Variants in TRPV1 observed in about 807,000 individuals in gnomAD.
TRPV1 encodes the protein transient receptor potential cation channel subfamily V member 1.
TRPV1 carries 82 observed loss-of-function variants against 82.3 expected under a neutral mutation model. The observed-to-expected ratio is 1.00, with a 90% CI of 0.83 to 1.20. The LOEUF (loss-of-function observed/expected upper bound fraction) is 1.20. TRPV1 is among the 50% of genes most tolerant of loss of function. The pLI is 0.00. For synonymous variants in TRPV1, 515 were observed against 467.7 expected (o/e 1.10, Z -1.30); for missense variants, 1,067 against 1,096.8 (o/e 0.97, Z 0.38).
At chr17:3,607,304 A>C (rs2075302329) in intron 2 of TRPV1, among the ~76,000 whole-genome samples, 1 of 151,590 alleles carries the variant, frequency 6.6e-6, no homozygotes, top group Non-Finnish European at 1.5e-5. Flanking sequence ...AGATCGCACC[A>C]CTGCACTCCA....
At chr17:3,591,660 G>A (rs1361524909) in intron 3 of TRPV1, among the ~76,000 whole-genome samples, 3 of 152,144 alleles carry the variant, frequency 2.0e-5, no homozygotes, top group African/African-American at 4.8e-5. Flanking sequence ...TGGTGGGGAC[G>A]GAGGGAGGTG....
At chr17:3,574,082 C>A (rs1160907497) in intron 13 of TRPV1, 127 bp from the exon 14 acceptor site, 1 of 825,276 alleles carries the variant, frequency 1.2e-6, no homozygotes, top group Admixed American at 3.1e-5. Flanking sequence ...AGCATCCCTT[C>A]TTTAAAACTA....
At chr17:3,582,267 G>A (rs1317041083) in intron 10 of TRPV1, among the ~76,000 whole-genome samples, 2 of 146,780 alleles carry the variant, frequency 1.4e-5, no homozygotes, top group African/African-American at 5.0e-5. Flanking sequence ...AGCTACTCCA[G>A]AGGCTGAGGT....
At chr17:3,600,230 G>A (rs775551869) in intron 2 of TRPV1, among the ~76,000 whole-genome samples, 1 of 152,180 alleles carries the variant, frequency 6.6e-6, no homozygotes, top group Non-Finnish European at 1.5e-5. Flanking sequence ...CTGGGAAAGG[G>A]GATGGTCATG....
chr17:3,590,907 C>A, intron 5 of TRPV1, 57 bp downstream of exon 5: 1 of 1,505,654 alleles, frequency 6.6e-7, no homozygotes, highest in Non-Finnish European at 8.9e-7. Flanking sequence ...ACAACCATGC[C>A]CCCCTGCTTC....
At chr17:3,580,555 C>T (rs200044291) in intron 10 of TRPV1, 28 bp from the exon 11 acceptor site, 4 of 1,612,674 alleles carry the variant, frequency 2.5e-6, no homozygotes, top group Non-Finnish European at 3.4e-6. Context: ...GAGTAAGATC[C>T]CAGGCAATGC....
chr17:3,600,623 C>T (rs1054872483), intron 2 of TRPV1, among the ~76,000 whole-genome samples: 1 of 152,126 alleles, frequency 6.6e-6, no homozygotes, highest in Non-Finnish European at 1.5e-5. Context: ...AAAGACAGCA[C>T]CATTTCCAGT....
At chr17:3,588,698 C>T (rs1597539249) in intron 7 of TRPV1, among the ~76,000 whole-genome samples, 2 of 151,814 alleles carry the variant, frequency 1.3e-5, no homozygotes, top group African/African-American at 4.8e-5. Context: ...CCTGTAATCC[C>T]GGCTACTTGA....
chr17:3,567,829 AT>A (rs1267523172), intron 16 of TRPV1, among the ~76,000 whole-genome samples: 2 of 151,646 alleles, frequency 1.3e-5, no homozygotes, highest in Non-Finnish European at 2.9e-5. Flanking sequence ...ACCTCCAACC[AT>A]CCCCCATCCC....
chr17:3,574,661 T>A (rs1009920303), intron 13 of TRPV1, among the ~76,000 whole-genome samples: 1 of 152,138 alleles, frequency 6.6e-6, no homozygotes, highest in Non-Finnish European at 1.5e-5. Context: ...CAAAAAATGA[T>A]GTGGAGGCCG....
chr17:3,576,248 T>C (rs2074926700), intron 13 of TRPV1, among the ~76,000 whole-genome samples: 1 of 151,476 alleles, frequency 6.6e-6, no homozygotes, highest in African/African-American at 2.4e-5. Flanking sequence ...CCAGGCACTG[T>C]GGCTCATGCC....
At chr17:3,604,426 C>T (rs1597558436) in intron 2 of TRPV1, among the ~76,000 whole-genome samples, 1 of 151,776 alleles carries the variant, frequency 6.6e-6, no homozygotes, top group Non-Finnish European at 1.5e-5. Flanking sequence ...GGTGAAACCC[C>T]GTCTCTATTA....
intron 14 of TRPV1, among the ~76,000 whole-genome samples, chr17:3,572,851 TGG>T (rs2074873117): frequency 6.6e-6 from 1 of 151,918 alleles, no homozygotes; most frequent in East Asian, 1.9e-4. Context: ...GGTGTGGTGG[TGG>T]GTGCCTGCAA....
At chr17:3,577,955 CT>C in intron 11 of TRPV1, 192 bp from the exon 12 acceptor site, 1 of 581,256 alleles carries the variant, frequency 1.7e-6, no homozygotes, top group Non-Finnish European at 3.0e-6. Flanking sequence ...CAGAAATTGG[CT>C]TGGTGAGGAG....
At chr17:3,577,057 G>T in intron 13 of TRPV1, 69 bp downstream of exon 13, 1 of 1,499,868 alleles carries the variant, frequency 6.7e-7, no homozygotes, top group South Asian at 1.2e-5. Context: ...TTCAGCTCCT[G>T]GCAGAGTCTT....
intron 5 of TRPV1, 73 bp downstream of exon 5, chr17:3,590,891 C>T: frequency 3.4e-6 from 5 of 1,474,810 alleles, no homozygotes; most frequent in Non-Finnish European, 4.5e-6. Flanking sequence ...GCAAGGAGGC[C>T]CAGGGACAAC....
chr17:3,577,470 T>C (rs534379633), intron 12 of TRPV1, 128 bp downstream of exon 12: 6 of 1,255,346 alleles, frequency 4.8e-6, no homozygotes, highest in East Asian at 5.1e-5. Flanking sequence ...TCTTGGAAAA[T>C]AGGCTGGGGG....
chr17:3,599,339 T>G (rs1464625228), intron 2 of TRPV1, among the ~76,000 whole-genome samples: 2 of 121,260 alleles, frequency 1.6e-5, no homozygotes, highest in Middle Eastern at 3.4e-3. Flanking sequence ...TGGCACTCAG[T>G]GCATTCACAC....
Position 3,604,723 on chromosome 17 carries a change from G to A in TRPV1, c.-34+3704C>T, listed in dbSNP as rs955002719. 3.3e-5 allele frequency among the ~76,000 whole-genome samples: 5 copies of A among 152,120 alleles called. No homozygotes were observed. In the South Asian group the frequency reaches 1.0e-3, roughly 31 times the overall value. On this transcript the variant is annotated intron_variant, in intron 2 of 16. Coordinates refer to ENST00000572705, the MANE Select transcript of TRPV1 (RefSeq NM_080704.4). ...GGCCCAGAGGCAGGCAGTGTGTGGC[G>A]GGAGGAAAAGCAGCGGCTGGTGGGC...
Sources: gnomAD v4.1 joint callset for allele counts (sites outside exome capture counted in the v4.1 genomes callset) on GRCh38, gnomAD v4.1.1 for gene constraint, MANE v1.5 for transcripts, NCBI Gene and HGNC (gene_info 2026-07-23, HGNC 2026-07-21) for gene names.